The following CERKL variants were observed in gnomAD, a reference collection of about 807,000 sequenced individuals.
CERKL encodes the protein ceramide kinase-like protein.
A neutral mutation model predicts 63.4 loss-of-function variants in CERKL; 61 were observed. The observed-to-expected ratio is 0.96, with a 90% CI of 0.78 to 1.19. The LOEUF is 1.19. CERKL is among the 50% of genes most tolerant of loss of function. CERKL has a pLI of 0.00. For missense variants in CERKL, 675 were observed against 655.5 expected (o/e 1.03, Z -0.33); for synonymous variants, 250 against 230.5 (o/e 1.08, Z -0.77).
At chr2:181,648,676 T>C (rs1687772336) in intron 1 of CERKL, among the ~76,000 whole-genome samples, 1 of 152,198 alleles carries the variant, frequency 6.6e-6, no homozygotes, top group African/African-American at 2.4e-5. Flanking sequence ...TATGTAAACC[T>C]GTCGATCCTC....
chr2:181,565,362 C>T (rs772525112), intron 4 of CERKL: 6 of 1,004,842 alleles, frequency 6.0e-6, no homozygotes, highest in Admixed American at 1.7e-5. Flanking sequence ...TAGTCTTACA[C>T]ATCAGTCCAA....
Position 181,539,760 on chromosome 2 carries a change from G to T in CERKL, c.1366-496C>A, listed in dbSNP as rs191522923. ...GCCAATCAAATATGGATTTTAAAAG[G>T]TGTTTGCCTGCCCCATTCCCACTTT... On this transcript the variant is annotated intron_variant, in intron 11 of 12. Transcript: ENST00000410087. Among the ~76,000 whole-genome samples, 278 of 152,228 alleles carry T rather than the reference G, an allele frequency of 1.8e-3. 2 individuals are homozygous for T. Among genetic ancestry groups the T allele is most frequent in the Non-Finnish European group, 3.0e-3 (207 of 68,006 alleles).
chr2:181,587,101 GTC>G lies in CERKL; in HGVS notation c.482-13219_482-13218del, dbSNP rs1312821227. ...AAGATTTGACAACTTTCCAGTAGAG[GTC>G]TGAGTTAGAGATATTTTATATTGGC... On this transcript the variant is annotated intron_variant, in intron 2 of 12. Transcript: ENST00000410087. 2.0e-5 allele frequency among the ~76,000 whole-genome samples: 3 copies of G among 152,222 alleles called. No individual in the cohort carries two copies. In the South Asian group the frequency reaches 6.2e-4, roughly 32 times the overall value.
intron 1 of CERKL, among the ~76,000 whole-genome samples, chr2:181,626,645 G>T (rs906506663): frequency 4.6e-5 from 7 of 152,200 alleles, no homozygotes; most frequent in African/African-American, 1.7e-4. Flanking sequence ...CCTCAGAAAG[G>T]AAATCAAGGT....
At chr2:181,540,775 TG>T (rs1392733937) in intron 11 of CERKL, among the ~76,000 whole-genome samples, 19 of 152,136 alleles carry the variant, frequency 1.2e-4, no homozygotes, top group African/African-American at 4.6e-4. Context: ...AGGGTATGTT[TG>T]GGGCACGGGG....
chr2:181,599,768 T>C lies in CERKL; in HGVS notation c.481+4069A>G, dbSNP rs1216740808. ...TGGAGAAGAGGAAGAAGTAAGCAAA[T>C]TGGAAAACATATTTGAGGCAATAAT... On this transcript the variant is annotated intron_variant, in intron 2 of 12. Coordinates refer to ENST00000410087, the MANE Select transcript of CERKL (RefSeq NM_201548.5). Among the ~76,000 whole-genome samples the C allele has an allele frequency of 2.0e-5, 3 of 152,076 alleles. 1 individual carries two copies. In the East Asian group the frequency reaches 5.8e-4, roughly 30 times the overall value.
chr2:181,555,752 CTTTTTTT>C (rs34713780), intron 5 of CERKL, among the ~76,000 whole-genome samples: 2 of 120,152 alleles, frequency 1.7e-5, no homozygotes. Flanking sequence ...CATTATTAAA[CTTTTTTT>C]TTTTTTTTTT....
chr2:181,583,160 GAA>G (rs200931610), intron 2 of CERKL, among the ~76,000 whole-genome samples: 4 of 128,438 alleles, frequency 3.1e-5, no homozygotes, highest in South Asian at 2.4e-4. Context: ...CATTCATTTA[GAA>G]AAAAAAAAAA....
chr2:181,558,728 G>A lies in CERKL; in HGVS notation c.678-20C>T. Reference sequence around the variant, plus strand: ...ACAACACTAGAAAAATACAAATCAAGCAAAGAAGGCAAAACTTCAGAATGA... The same window carrying A: ...ACAACACTAGAAAAATACAAATCAAACAAAGAAGGCAAAACTTCAGAATGA... On this transcript the variant is annotated intron_variant, in intron 4 of 12. Coordinates refer to ENST00000410087, the MANE Select transcript of CERKL (RefSeq NM_201548.5). The surrounding 1 kb of genome is among the most constrained non-coding windows in gnomAD (Gnocchi z 4.2). 1 of 1,612,398 alleles carries A rather than the reference G, an allele frequency of 6.2e-7. No individual in the cohort carries two copies. Among genetic ancestry groups the A allele is most frequent in the Non-Finnish European group, 8.5e-7 (1 of 1,179,006 alleles).
At chr2:181,628,103 A>C (rs1488217645) in intron 1 of CERKL, among the ~76,000 whole-genome samples, 1 of 152,184 alleles carries the variant, frequency 6.6e-6, no homozygotes, top group Non-Finnish European at 1.5e-5. Flanking sequence ...TTGTGTTAAA[A>C]AAAAATTAGA....
In CERKL at chr2:181,640,910, C is replaced by G. The variant is rs559486906; in HGVS notation, c.238+15859G>C. Among the ~76,000 whole-genome samples the G allele has an allele frequency of 3.9e-5, 6 of 152,248 alleles. No individual in the cohort carries two copies. In the South Asian group the frequency reaches 1.2e-3, roughly 32 times the overall value. The stretch of plus-strand genomic sequence containing the variant: ...GGGAATAGTTCTGTGCCAGTTCCAG[C>G]CCCAGAGGGCCCCATCCGGGATGCA... On this transcript the variant is annotated intron_variant, in intron 1 of 12. Coordinates refer to ENST00000410087, the MANE Select transcript of CERKL (RefSeq NM_201548.5).
chr2:181,601,171 C>T (rs1685444066), intron 2 of CERKL, among the ~76,000 whole-genome samples: 2 of 152,274 alleles, frequency 1.3e-5, no homozygotes, highest in South Asian at 4.2e-4. Flanking sequence ...CATACCAAAA[C>T]CCCTGGGATA....
In CERKL at chr2:181,619,805, G is replaced by A. The variant is rs141317287; in HGVS notation, c.239-15726C>T. ...ACTACTACTCAGTTGACATTTAATC[G>A]CATATCAGAAGTTATTAACTTACCA... is the stretch of plus-strand genomic sequence containing the variant. On this transcript the variant is annotated intron_variant, in intron 1 of 12. Transcript: ENST00000410087. 2.2e-3 allele frequency among the ~76,000 whole-genome samples: 330 copies of A among 152,178 alleles called. 1 individual carries two copies. Among genetic ancestry groups the A allele is most frequent in the African/African-American group, 7.2e-3 (297 of 41,506 alleles).
Position 181,585,510 on chromosome 2 carries a change from T to G in CERKL, c.482-11626A>C, listed in dbSNP as rs538499579. Among the ~76,000 whole-genome samples the G allele has an allele frequency of 7.2e-5, 11 of 152,204 alleles. No individual in the cohort carries two copies. The South Asian group carries it at 2.3e-3, about 32-fold the overall frequency. On this transcript the variant is annotated intron_variant, in intron 2 of 12. Coordinates refer to ENST00000410087, the MANE Select transcript of CERKL (RefSeq NM_201548.5). Reference sequence around the variant, plus strand: ...CCTAAAATAAGACAAAAATACTTAATAAAGAACCAGAGTTATCAAAGTTAA... The same window carrying G: ...CCTAAAATAAGACAAAAATACTTAAGAAAGAACCAGAGTTATCAAAGTTAA...
chr2:181,588,401 C>G (rs762751235), intron 2 of CERKL, among the ~76,000 whole-genome samples: 4 of 152,132 alleles, frequency 2.6e-5, no homozygotes, highest in Non-Finnish European at 5.9e-5. Flanking sequence ...CCTCCAGGTT[C>G]AACCACGTTG....
rs904015861 is a variant in CERKL, at chr2:181,538,013, C to T, written c.*171G>A. 1 of 686,870 alleles carries T rather than the reference C, an allele frequency of 1.5e-6. No homozygotes were observed. The highest frequency in any genetic ancestry group is 2.7e-6 in the Non-Finnish European group (1 of 366,220). The allele number at this position is 686,870 out of a possible 1,614,324, so 42.5% of individuals were successfully genotyped here. A position where few individuals can be genotyped will look rare whatever the true frequency, so the allele number is the denominator to read the frequency against. On this transcript the variant is annotated 3_prime_UTR_variant, in exon 13 of 13. Coordinates refer to ENST00000410087, the MANE Select transcript of CERKL (RefSeq NM_201548.5). ...CATGTTCCTCAAGAGAATCTAATGC[C>T]TGATGATCTGAGGTGGAACAGTTCA...
chr2:181,536,838 G>GT lies in CERKL; in HGVS notation c.*1345_*1346insA, dbSNP rs1559062210. ...GCAGAATATCATTTTATCTGACTCT[G>GT]CCTTCATAAGAGAGCTGTGGCCGAA... On this transcript the variant is annotated 3_prime_UTR_variant, in exon 13 of 13. Transcript: ENST00000410087. The GT allele has an allele frequency of 2.1e-5, 8 of 386,428 alleles. No individual in the cohort carries two copies. Among genetic ancestry groups the GT allele is most frequent in the African/African-American group, 4.2e-5 (2 of 47,992 alleles). The allele number at this position is 386,428 out of a possible 1,614,324, so 23.9% of individuals were successfully genotyped here. A position where few individuals can be genotyped will look rare whatever the true frequency, so the allele number is the denominator to read the frequency against.
At chr2:181,610,225 A>G (rs1685905088) in intron 1 of CERKL, among the ~76,000 whole-genome samples, 1 of 152,234 alleles carries the variant, frequency 6.6e-6, no homozygotes, top group Non-Finnish European at 1.5e-5. Context: ...AGAAATGCAA[A>G]TTGACCAATG....
In CERKL at chr2:181,539,072, G is replaced by C; in HGVS notation, c.1538+20C>G. 6.7e-7 allele frequency: 1 copy of C among 1,490,092 alleles called. No individual in the cohort carries two copies. Among genetic ancestry groups the C allele is most frequent in the Non-Finnish European group, 9.4e-7 (1 of 1,067,658 alleles). The allele number at this position is 1,490,092 out of a possible 1,614,324, so 92.3% of individuals were successfully genotyped here. ...TTATGTTTACTGGTTGACAATAAGC[G>C]GTGAAATAAATAGACTTACCTAATA... On this transcript the variant is annotated intron_variant, in intron 12 of 12. Coordinates refer to ENST00000410087, the MANE Select transcript of CERKL (RefSeq NM_201548.5).
Sources: gnomAD v4.1 joint callset for allele counts (sites outside exome capture counted in the v4.1 genomes callset) on GRCh38, gnomAD v4.1.1 for gene constraint, Gnocchi (gnomAD v3.1) non-coding constraint, MANE v1.5 for transcripts, NCBI Gene and HGNC (gene_info 2026-07-23, HGNC 2026-07-21) for gene names.